CLIP2: variants seen among roughly 807,000 people sequenced by gnomAD.
The protein encoded by CLIP2 is CAP-Gly domain containing linker protein 2, also known as CAP-Gly domain-containing linker protein 2.
A neutral mutation model predicts 111.7 loss-of-function variants in CLIP2; 41 were observed. The observed-to-expected ratio is 0.37, with a 90% CI of 0.29 to 0.48. CLIP2 has a LOEUF of 0.48. Among genes scored for constraint, CLIP2 ranks in the 20% least tolerant of loss-of-function variants. CLIP2 has a pLI of 0.99. For missense variants in CLIP2, 1,160 were observed against 1,422.1 expected (o/e 0.82, Z 2.96); for synonymous variants, 660 against 644.2 (o/e 1.02, Z -0.37).
intron 8 of CLIP2, among the ~76,000 whole-genome samples, chr7:74,370,073 G>T (rs1407533953): frequency 1.3e-5 from 1 of 76,324 alleles, no homozygotes; most frequent in Non-Finnish European, 3.3e-5. Flanking sequence ...CAGGAGAATC[G>T]CTTGAACCCA....
chr7:74,382,371 C>A (rs1379689318), intron 11 of CLIP2, among the ~76,000 whole-genome samples: 2 of 144,728 alleles, frequency 1.4e-5, no homozygotes, highest in African/African-American at 5.1e-5. Context: ...GTGGCACGAT[C>A]TCAGCTCACC....
chr7:74,309,858 C>T (rs1554728231), intron 1 of CLIP2, among the ~76,000 whole-genome samples: 1 of 149,176 alleles, frequency 6.7e-6, no homozygotes, highest in Non-Finnish European at 1.5e-5. Context: ...ATCTATGTTG[C>T]ACATATCAGT....
chr7:74,388,970 A>C (rs2116688139), intron 12 of CLIP2, 133 bp from the exon 13 acceptor site: 7 of 1,125,414 alleles, frequency 6.2e-6, no homozygotes, highest in Middle Eastern at 2.3e-4. Flanking sequence ...AAAACCGTCA[A>C]AACTATGCAG....
chr7:74,338,420 C>CT lies in CLIP2; in HGVS notation c.122-25dup. ...CAGGGGCCAGCCCTAACAGCCACCT[C>CT]TTTCCCTTTCCCTCTCCTTCTCTGC... is the stretch of plus-strand genomic sequence containing the variant. On this transcript the variant is annotated intron_variant, in intron 2 of 16. Coordinates refer to ENST00000223398, the MANE Select transcript of CLIP2 (RefSeq NM_003388.5). This position sits in a 1 kb window ranked among gnomAD's most constrained non-coding sequence, Gnocchi z 4.3. 1 of 1,607,090 alleles carries CT rather than the reference C, an allele frequency of 6.2e-7. No homozygotes were observed. Among genetic ancestry groups the CT allele is most frequent in the Non-Finnish European group, 8.5e-7 (1 of 1,177,778 alleles).
chr7:74,313,163 TA>T (rs1788685474), intron 1 of CLIP2, among the ~76,000 whole-genome samples: 1 of 151,034 alleles, frequency 6.6e-6, no homozygotes, highest in Non-Finnish European at 1.5e-5. Flanking sequence ...AAAAAACTTG[TA>T]AACTTAGCCG....
At chr7:74,320,551 G>A (rs1200874100) in intron 2 of CLIP2, among the ~76,000 whole-genome samples, 1 of 152,086 alleles carries the variant, frequency 6.6e-6, no homozygotes, top group Non-Finnish European at 1.5e-5. Context: ...GATGGTGGGA[G>A]CGGCTGGAGG....
intron 1 of CLIP2, among the ~76,000 whole-genome samples, chr7:74,316,309 G>A (rs1357712795): frequency 4.0e-5 from 6 of 151,212 alleles, no homozygotes; most frequent in Non-Finnish European, 7.4e-5. Context: ...CAGTGGTGCC[G>A]TCATAGCTCA....
intron 1 of CLIP2, among the ~76,000 whole-genome samples, chr7:74,295,931 A>G (rs545265376): frequency 7.6e-5 from 11 of 145,168 alleles, no homozygotes; most frequent in African/African-American, 1.8e-4. Context: ...TGAGTCTGCA[A>G]TGAGCTATGA....
At chr7:74,344,590 T>C (rs1247061571) in intron 3 of CLIP2, among the ~76,000 whole-genome samples, 1 of 151,852 alleles carries the variant, frequency 6.6e-6, no homozygotes, top group African/African-American at 2.4e-5. Context: ...TTTGCAGAGA[T>C]GGGGGTCTCG....
chr7:74,401,099 G>A (rs1791606973), intron 15 of CLIP2, among the ~76,000 whole-genome samples: 1 of 151,098 alleles, frequency 6.6e-6, no homozygotes, highest in South Asian at 2.1e-4. Context: ...CGGAACCCTG[G>A]TCTGAAGGGG....
At chr7:74,324,333 C>G (rs1789054783) in intron 2 of CLIP2, among the ~76,000 whole-genome samples, 1 of 152,144 alleles carries the variant, frequency 6.6e-6, no homozygotes, top group Admixed American at 6.6e-5. Flanking sequence ...TCTACTTTTT[C>G]TCATCTTATT....
At chr7:74,350,218 A>T (rs1789944526) in intron 3 of CLIP2, among the ~76,000 whole-genome samples, 1 of 151,374 alleles carries the variant, frequency 6.6e-6, no homozygotes, top group Non-Finnish European at 1.5e-5. Context: ...CGCCCAGCTA[A>T]TTTTTATATT....
At position 74,317,541 on chromosome 7, in the gene CLIP2, A is replaced by G; in HGVS notation, c.-6A>G. On this transcript the variant is annotated 5_prime_UTR_variant, in exon 2 of 17. Coordinates refer to ENST00000223398, the MANE Select transcript of CLIP2 (RefSeq NM_003388.5). ...CACCCTTGTCCACCTGCCCAGTGGC[A>G]CCGCCATGCAGAAGCCCAGCGGCCT... 1 of 1,422,194 alleles carries G rather than the reference A, an allele frequency of 7.0e-7. No individual in the cohort carries two copies. The highest frequency in any genetic ancestry group is 1.6e-5 in the South Asian group (1 of 61,382). 88.1% of individuals were successfully genotyped at this position (1,422,194 alleles called of 1,614,324 possible).
intron 7 of CLIP2, among the ~76,000 whole-genome samples, chr7:74,363,016 T>TC (rs1201074659): frequency 1.7e-4 from 26 of 151,244 alleles, no homozygotes; most frequent in Non-Finnish European, 3.5e-4. Flanking sequence ...TTTTTTTTTT[T>TC]CCCCCAAGAT....
chr7:74,323,701 C>G (rs1789031151), intron 2 of CLIP2, among the ~76,000 whole-genome samples: 1 of 152,208 alleles, frequency 6.6e-6, no homozygotes, highest in Admixed American at 6.5e-5. Context: ...GCTGGGATCA[C>G]AGGCATGAGC....
chr7:74,354,891 G>A (rs1297205233), intron 4 of CLIP2, among the ~76,000 whole-genome samples: 2 of 152,220 alleles, frequency 1.3e-5, no homozygotes, highest in African/African-American at 4.8e-5. Context: ...GCGCTATATG[G>A]CCAGAGGCAG....
intron 13 of CLIP2, 82 bp downstream of exon 13, chr7:74,389,341 T>TG: frequency 7.2e-7 from 1 of 1,396,982 alleles, no homozygotes; most frequent in Non-Finnish European, 9.5e-7. Context: ...CATGTTATCT[T>TG]GGGGCAGAGA....
chr7:74,333,353 A>T (rs1554731632), intron 2 of CLIP2, among the ~76,000 whole-genome samples: 5 of 150,094 alleles, frequency 3.3e-5, no homozygotes, highest in African/African-American at 1.2e-4. Context: ...CCAGCTAATT[A>T]TGGTATTTTT....
rs1029833945 is a variant in CLIP2 at position 74,404,070 on chromosome 7, G to T, written c.*222G>T. ...TTCTACAGAGAGTGTGAACGGTACA[G>T]CCCCGGCCTGACCCGGGGACCTTCA... On this transcript the variant is annotated 3_prime_UTR_variant, in exon 17 of 17. Transcript: ENST00000223398. The T allele has an allele frequency of 1.2e-5, 7 of 571,588 alleles. No individual in the cohort carries two copies. The highest frequency in any genetic ancestry group is 2.2e-5 in the Non-Finnish European group (7 of 316,182). 35.4% of individuals were successfully genotyped at this position (571,588 alleles called of 1,614,324 possible).
Sources: gnomAD v4.1 joint callset for allele counts (sites outside exome capture counted in the v4.1 genomes callset) on GRCh38, gnomAD v4.1.1 for gene constraint, Gnocchi (gnomAD v3.1) non-coding constraint, MANE v1.5 for transcripts, NCBI Gene and HGNC (gene_info 2026-07-23, HGNC 2026-07-21) for gene names.